MRTFB: variants seen among roughly 807,000 people sequenced by gnomAD.
The protein encoded by MRTFB is myocardin-related transcription factor B.
A neutral mutation model predicts 104.2 loss-of-function variants in MRTFB; 29 were observed. The ratio of observed to expected loss-of-function variants is 0.28; its 90% CI spans 0.21 to 0.38. The LOEUF is 0.38. Ranked by LOEUF, MRTFB falls within the 10% of genes least tolerant of loss-of-function variation. MRTFB has a pLI of 1.00. For missense variants in MRTFB, 1,270 were observed against 1,341.6 expected (o/e 0.95, Z 0.83); for synonymous variants, 535 against 519.5 (o/e 1.03, Z -0.41).
chr16:14,010,670 C>T, the MRTFB span, among the ~76,000 whole-genome samples: 1 of 152,154 alleles, frequency 6.6e-6, no homozygotes, highest in Non-Finnish European at 1.5e-5. Flanking sequence ...AGGCAATCCT[C>T]CTGCCTCAGC....
At chr16:14,243,692 T>A (rs906918069) in intron 10 of MRTFB, among the ~76,000 whole-genome samples, 1 of 152,070 alleles carries the variant, frequency 6.6e-6, no homozygotes, top group Non-Finnish European at 1.5e-5. Context: ...AAGTATAACT[T>A]ACACACAGAA....
At chr16:13,997,302 T>G in the MRTFB span, among the ~76,000 whole-genome samples, 1 of 152,090 alleles carries the variant, frequency 6.6e-6, no homozygotes, top group Non-Finnish European at 1.5e-5. Flanking sequence ...AGGGCAACTT[T>G]GAGCCAATCC....
the MRTFB span, among the ~76,000 whole-genome samples, chr16:14,034,588 G>A: frequency 7.5e-5 from 11 of 146,286 alleles, no homozygotes; most frequent in Non-Finnish European, 1.0e-4. Flanking sequence ...CACTCCAGCC[G>A]GAGCAACAAG....
Position 14,234,224 on chromosome 16 carries a change from G to A in MRTFB, c.772G>A (p.Ala258Thr). Residue 258 changes from alanine (A) to threonine (T), a missense_variant, in exon 9 of 17, where the codon GCT becomes ACT. Physicochemically the swap from Ala to Thr is moderately conservative, Grantham distance 58. Coordinates refer to ENST00000571589, the MANE Select transcript of MRTFB (RefSeq NM_001308142.2). ...AGATCAGCCTCCCCCACGGCCTGCA[G>A]CTCCTGTCCTCCCCACAAACACTGT... Reference protein sequence around the residue: ...TADQPPPRPAAPVLPTNTVSS... With the variant: ...TADQPPPRPATPVLPTNTVSS... 1 of 1,614,112 alleles carries A rather than the reference G, an allele frequency of 6.2e-7. No homozygotes were observed. The highest frequency in any genetic ancestry group is 1.3e-5 in the African/African-American group (1 of 75,022).
At chr16:14,045,565 A>G in the MRTFB span, among the ~76,000 whole-genome samples, 6 of 152,226 alleles carry the variant, frequency 3.9e-5, no homozygotes, top group Non-Finnish European at 5.9e-5. Flanking sequence ...AAGAATGTTT[A>G]TATGTGCTGT....
At chr16:14,050,793 G>A in the MRTFB span, among the ~76,000 whole-genome samples, 1 of 152,070 alleles carries the variant, frequency 6.6e-6, no homozygotes. Flanking sequence ...CGTACTCCAG[G>A]TGCAGAATGG....
chr16:14,021,357 T>G, the MRTFB span, among the ~76,000 whole-genome samples: 1 of 152,228 alleles, frequency 6.6e-6, no homozygotes, highest in Non-Finnish European at 1.5e-5. Flanking sequence ...ATGCTTCCCA[T>G]GTGGCTCGCT....
At chr16:14,076,697 G>GC (rs1443650552) in intron 1 of MRTFB, among the ~76,000 whole-genome samples, 1 of 152,158 alleles carries the variant, frequency 6.6e-6, no homozygotes, top group African/African-American at 2.4e-5. Flanking sequence ...AGTGGGCAAT[G>GC]CATTTATAAT....
intron 3 of MRTFB, among the ~76,000 whole-genome samples, chr16:14,159,715 G>T (rs2142885459): frequency 6.6e-6 from 1 of 151,880 alleles, no homozygotes; most frequent in Non-Finnish European, 1.5e-5. Flanking sequence ...GGATCACGAG[G>T]TCAGGAGATC....
chr16:14,049,178 G>A, the MRTFB span, among the ~76,000 whole-genome samples: 3 of 152,164 alleles, frequency 2.0e-5, no homozygotes, highest in Non-Finnish European at 4.4e-5. Flanking sequence ...AGAATTATCT[G>A]GCCCCAAGTG....
intron 10 of MRTFB, among the ~76,000 whole-genome samples, chr16:14,243,320 G>T (rs2042859855): frequency 1.3e-5 from 2 of 152,330 alleles, no homozygotes; most frequent in South Asian, 4.1e-4. Context: ...GACAAAGCCA[G>T]CATTGGCTTC....
chr16:14,266,562 T>C lies in MRTFB; in HGVS notation c.*5118T>C, dbSNP rs1210607861. 1 of 152,204 alleles carries C rather than the reference T, an allele frequency of 6.6e-6. No homozygotes were observed. The highest frequency in any genetic ancestry group is 1.5e-5 in the Non-Finnish European group (1 of 68,030). The allele number at this position is 152,204 out of a possible 1,614,324, so 9.4% of individuals were successfully genotyped here. A position where few individuals can be genotyped will look rare whatever the true frequency, so the allele number is the denominator to read the frequency against. ...ACCATGATGCCTTTGTATTTGCTGT[T>C]TGCACCCCTGAAATCAATTCCATAT... On this transcript the variant is annotated 3_prime_UTR_variant, in exon 17 of 17. Transcript: ENST00000571589.
At chr16:14,175,081 G>A (rs2039537023) in intron 3 of MRTFB, among the ~76,000 whole-genome samples, 1 of 152,068 alleles carries the variant, frequency 6.6e-6, no homozygotes, top group African/African-American at 2.4e-5. Flanking sequence ...AGTAAAGACT[G>A]TTTCAGGGTT....
chr16:14,052,374 A>G, the MRTFB span, among the ~76,000 whole-genome samples: 3 of 152,216 alleles, frequency 2.0e-5, no homozygotes, highest in South Asian at 2.1e-4. Context: ...GGTATTTAAA[A>G]TATCCATTAC....
chr16:14,180,077 C>T (rs950023695), intron 3 of MRTFB, among the ~76,000 whole-genome samples: 1 of 152,146 alleles, frequency 6.6e-6, no homozygotes, highest in African/African-American at 2.4e-5. Context: ...CAGATAATTA[C>T]AGAAGCACCG....
At chr16:14,002,526 G>C in the MRTFB span, among the ~76,000 whole-genome samples, 1 of 152,200 alleles carries the variant, frequency 6.6e-6, no homozygotes, top group African/African-American at 2.4e-5. Context: ...CTGCTGCGTT[G>C]AATGCTGGAG....
At chr16:14,199,614 C>T (rs1459966482) in intron 3 of MRTFB, among the ~76,000 whole-genome samples, 2 of 152,236 alleles carry the variant, frequency 1.3e-5, no homozygotes, top group African/African-American at 4.8e-5. Context: ...TTCAAACACA[C>T]TGTCCACTCC....
chr16:14,010,825 A>G, the MRTFB span, among the ~76,000 whole-genome samples: 1 of 152,228 alleles, frequency 6.6e-6, no homozygotes, highest in Non-Finnish European at 1.5e-5. Context: ...AGCATTAAAC[A>G]TTTACTTCCT....
the MRTFB span, among the ~76,000 whole-genome samples, chr16:14,024,470 T>C: frequency 2.0e-5 from 3 of 152,296 alleles, no homozygotes; most frequent in African/African-American, 7.2e-5. Flanking sequence ...ACAATGTAAA[T>C]TGATATGGCC....
Sources: gnomAD v4.1 joint callset for allele counts (sites outside exome capture counted in the v4.1 genomes callset) on GRCh38, gnomAD v4.1.1 for gene constraint, MANE v1.5 for transcripts, NCBI Gene and HGNC (gene_info 2026-07-23, HGNC 2026-07-21) for gene names.